The following USH2A variants were observed in gnomAD, a reference collection of about 807,000 sequenced individuals.
The protein encoded by USH2A is usherin.
USH2A carries 443 observed loss-of-function variants against 538.9 expected under a neutral mutation model. The ratio of observed to expected loss-of-function variants is 0.82; its 90% confidence interval spans 0.76 to 0.89. The LOEUF (loss-of-function observed/expected upper bound fraction) is 0.89, where lower values mean the gene tolerates loss of function less well. USH2A is among the 40% of genes least tolerant of loss of function. The pLI, the probability that USH2A is intolerant of heterozygous loss-of-function variation, is 0.00. For missense variants in USH2A, 6,633 were observed against 6,324.8 expected, an observed-to-expected ratio of 1.05 and a Z score of -1.65; for synonymous variants, 2,413 against 2,273.5, an observed-to-expected ratio of 1.06 and a Z score of -1.75.
At position 216,422,211 on chromosome 1, in the gene USH2A, G is replaced by C. The variant is rs774473277; in HGVS notation, c.126C>G (p.Asn42Lys). Residue 42 changes from asparagine to lysine, a missense_variant, in exon 2 of 72, where the codon AAC becomes AAG. Transcript: ENST00000307340. ...ESRGLFPRLENVGAFKKVSIV... is the reference protein window; with the variant it reads ...ESRGLFPRLEKVGAFKKVSIV... Reference sequence around the variant, plus strand: ...TGGAAACTTTCTTGAAAGCTCCCACGTTCTCCAGCCTTGGGAAAAGACCTC... The same window carrying C: ...TGGAAACTTTCTTGAAAGCTCCCACCTTCTCCAGCCTTGGGAAAAGACCTC... 6.2e-7 allele frequency: 1 copy of C among 1,612,310 alleles called. No homozygotes were observed. Among genetic ancestry groups the C allele is most frequent in the Non-Finnish European group, 8.5e-7 (1 of 1,178,768 alleles).
At chr1:216,010,651 C>T (rs60218693) in intron 32 of USH2A, among the ~76,000 whole-genome samples, 21,238 of 151,532 alleles carry the variant, frequency 0.14, 1,579 homozygotes, top group Middle Eastern at 0.22. Context: ...CAGGTATTGA[C>T]GGCCAGGCTT....
chr1:216,394,720 CTTT>C (rs780581599), intron 3 of USH2A, among the ~76,000 whole-genome samples: 5 of 120,320 alleles, frequency 4.2e-5, no homozygotes, highest in Non-Finnish European at 5.0e-5. Flanking sequence ...CTGGTCCAGT[CTTT>C]TTTTTTTTTT....
intron 3 of USH2A, among the ~76,000 whole-genome samples, chr1:216,384,301 A>G (rs1319016145): frequency 6.6e-6 from 1 of 152,096 alleles, no homozygotes; most frequent in Non-Finnish European, 1.5e-5. Flanking sequence ...AGAGAACAAT[A>G]CACAGCTATT....
chr1:216,210,873 C>T (rs545626029), intron 15 of USH2A, among the ~76,000 whole-genome samples: 5 of 152,124 alleles, frequency 3.3e-5, no homozygotes, highest in South Asian at 4.1e-4. Flanking sequence ...CCCAGCTACT[C>T]GGCAGGCTCA....
chr1:215,807,085 T>C (rs1463207162), intron 49 of USH2A, among the ~76,000 whole-genome samples: 1 of 152,064 alleles, frequency 6.6e-6, no homozygotes, highest in Non-Finnish European at 1.5e-5. Flanking sequence ...ACAACAGATG[T>C]GATTAAGTTT....
At chr1:215,857,958 G>C (rs914202105) in intron 44 of USH2A, among the ~76,000 whole-genome samples, 4 of 152,114 alleles carry the variant, frequency 2.6e-5, no homozygotes, top group Admixed American at 2.0e-4. Flanking sequence ...TGTCCCCTTG[G>C]CCAAGTGGGG....
intron 44 of USH2A, among the ~76,000 whole-genome samples, chr1:215,860,469 C>T (rs10864213): frequency 2.6e-5 from 4 of 151,848 alleles, no homozygotes; most frequent in African/African-American, 7.3e-5. Flanking sequence ...ATTAGGTTGG[C>T]GCAAAGTAGT....
At chr1:215,883,275 G>T (rs1395907504) in intron 41 of USH2A, among the ~76,000 whole-genome samples, 1 of 151,914 alleles carries the variant, frequency 6.6e-6, no homozygotes, top group Non-Finnish European at 1.5e-5. Flanking sequence ...TTATTAGAAG[G>T]CCTATGCATA....
At chr1:216,388,669 C>T (rs1048493482) in intron 3 of USH2A, among the ~76,000 whole-genome samples, 17 of 152,182 alleles carry the variant, frequency 1.1e-4, no homozygotes, top group African/African-American at 4.1e-4. Flanking sequence ...GACCCAAATG[C>T]AAATGCAGTG....
rs1477575466 is a variant in USH2A, at chr1:216,030,542, GA to G, written c.6325+15888del. Reference sequence around the variant, plus strand: ...AGATATATATCACAGATATATAAATGATATATAGATATATATCACAGATATA... The same window carrying G: ...AGATATATATCACAGATATATAAATGTATATAGATATATATCACAGATATA... On this transcript the variant is annotated intron_variant, in intron 32 of 71. Transcript: ENST00000307340. 8.4e-3 allele frequency among the ~76,000 whole-genome samples: 1,188 copies of G among 140,592 alleles called. 41 individuals carry two copies. Among genetic ancestry groups the G allele is most frequent in the African/African-American group, 0.03 (1,124 of 37,982 alleles). The allele number at this position is 140,592 out of a possible 152,430, so 92.2% of individuals were successfully genotyped here. A position where few individuals can be genotyped will look rare whatever the true frequency, so the allele number is the denominator to read the frequency against.
rs114279544 is a variant in USH2A, at chr1:216,387,651, T to C, written c.652-22566A>G. 5.0e-3 allele frequency among the ~76,000 whole-genome samples: 757 copies of C among 152,298 alleles called. 4 individuals carry two copies. Among genetic ancestry groups the C allele is most frequent in the African/African-American group, 0.017 (725 of 41,570 alleles). ...TATATCGGCGGTGTAGTGATTTCAGTAGGCAAACACAGAATCTATTAAGTA... is the reference window on the plus strand; with the variant it reads ...TATATCGGCGGTGTAGTGATTTCAGCAGGCAAACACAGAATCTATTAAGTA... On this transcript the variant is annotated intron_variant, in intron 3 of 71. Coordinates refer to ENST00000307340, the MANE Select transcript of USH2A (RefSeq NM_206933.4).
chr1:215,641,202 A>T (rs1035834978), intron 67 of USH2A, among the ~76,000 whole-genome samples: 1 of 152,212 alleles, frequency 6.6e-6, no homozygotes, highest in Non-Finnish European at 1.5e-5. Flanking sequence ...GATGAAGTTA[A>T]TATATTTTTT....
chr1:215,863,317 A>G (rs541325086), intron 44 of USH2A, among the ~76,000 whole-genome samples: 11 of 152,310 alleles, frequency 7.2e-5, no homozygotes, highest in African/African-American at 2.6e-4. Flanking sequence ...GGTCTCTTCT[A>G]TTTGATAACT....
intron 21 of USH2A, among the ~76,000 whole-genome samples, chr1:216,143,770 G>T (rs943026234): frequency 2.6e-5 from 4 of 152,176 alleles, no homozygotes; most frequent in Non-Finnish European, 5.9e-5. Context: ...TATGTAATGT[G>T]ATAGATGACC....
At chr1:216,063,526 A>T (rs961724341) in intron 30 of USH2A, among the ~76,000 whole-genome samples, 1 of 152,236 alleles carries the variant, frequency 6.6e-6, no homozygotes, top group African/African-American at 2.4e-5. Flanking sequence ...AAAGAAAAAA[A>T]ATCAAAGAAT....
chr1:216,390,747 T>C lies in USH2A; in HGVS notation c.652-25662A>G, dbSNP rs111454553. ...GGTGTTCATAATCACACACCAAATTTTGAAGGTTTTAAGTTTACTATAGAT... is the reference window on the plus strand; with the variant it reads ...GGTGTTCATAATCACACACCAAATTCTGAAGGTTTTAAGTTTACTATAGAT... On this transcript the variant is annotated intron_variant, in intron 3 of 71. Transcript: ENST00000307340. 3.1e-3 allele frequency among the ~76,000 whole-genome samples: 466 copies of C among 152,270 alleles called. 2 individuals carry two copies. The highest frequency in any genetic ancestry group is 3.4e-3 in the Non-Finnish European group (231 of 68,016).
At chr1:215,871,737 T>C (rs1050528611) in intron 43 of USH2A, among the ~76,000 whole-genome samples, 1 of 152,226 alleles carries the variant, frequency 6.6e-6, no homozygotes, top group African/African-American at 2.4e-5. Flanking sequence ...AATTTATTCA[T>C]TTATTCCTTA....
At chr1:215,906,109 T>C (rs1424982565) in intron 38 of USH2A, among the ~76,000 whole-genome samples, 1 of 152,044 alleles carries the variant, frequency 6.6e-6, no homozygotes, top group East Asian at 1.9e-4. Flanking sequence ...AAACCATATG[T>C]CATTTAAAAA....
chr1:216,392,090 A>T (rs944289156), intron 3 of USH2A, among the ~76,000 whole-genome samples: 1 of 152,214 alleles, frequency 6.6e-6, no homozygotes, highest in Non-Finnish European at 1.5e-5. Flanking sequence ...TTAACATGCT[A>T]TGTAAGTACT....
Sources: gnomAD v4.1 joint callset for allele counts (sites outside exome capture counted in the v4.1 genomes callset) on GRCh38, gnomAD v4.1.1 for gene constraint, MANE v1.5 for transcripts, NCBI Gene and HGNC (gene_info 2026-07-23, HGNC 2026-07-21) for gene names.